CDC73: variants seen among roughly 807,000 people sequenced by gnomAD.
CDC73 encodes cell division cycle 73, also known as parafibromin.
A neutral mutation model predicts 83.7 loss-of-function variants in CDC73; 21 were observed. The ratio of observed to expected loss-of-function variants is 0.25; its 90% CI spans 0.18 to 0.36. The LOEUF is 0.36. CDC73 is among the 10% of genes least tolerant of loss of function. The probability of loss-of-function intolerance (pLI) is 1.00; values close to 1 mark genes in which losing one functional copy is unlikely to be tolerated. For synonymous variants in CDC73, 224 were observed against 212.9 expected (o/e 1.05, Z -0.45); for missense variants, 342 against 653.3 (o/e 0.52, Z 5.19).
intron 13 of CDC73, among the ~76,000 whole-genome samples, chr1:193,213,361 C>T (rs1293546318): frequency 1.0e-5 from 1 of 98,206 alleles, no homozygotes; most frequent in African/African-American, 5.2e-5. Flanking sequence ...ATTTTTTCCT[C>T]AGTAGATTTT....
chr1:193,190,451 C>G (rs1358583167), intron 10 of CDC73, among the ~76,000 whole-genome samples: 2 of 152,326 alleles, frequency 1.3e-5, no homozygotes, highest in South Asian at 4.1e-4. Context: ...TAATTTTCCT[C>G]TAAAGTCAGT....
At chr1:193,178,265 A>T (rs1051025997) in intron 10 of CDC73, among the ~76,000 whole-genome samples, 1 of 152,140 alleles carries the variant, frequency 6.6e-6, no homozygotes, top group African/African-American at 2.4e-5. Flanking sequence ...TCAGATTACT[A>T]TCGTTTTTCA....
chr1:193,226,023 T>A (rs1403696844), intron 13 of CDC73, among the ~76,000 whole-genome samples: 1 of 152,178 alleles, frequency 6.6e-6, no homozygotes, highest in African/African-American at 2.4e-5. Context: ...TCTTCTAGAA[T>A]TTTTCTAGTT....
rs978611337 is a variant in CDC73, at chr1:193,146,861, T to C, written c.730-1006T>C. ...TTACACATCTTTGAAAAGTGTACAT[T>C]GACTTCTGATAGTATCTCAAAACTC... On this transcript the variant is annotated intron_variant, in intron 7 of 16. Coordinates refer to ENST00000367435, the MANE Select transcript of CDC73 (RefSeq NM_024529.5). 3.9e-5 allele frequency among the ~76,000 whole-genome samples: 6 copies of C among 152,244 alleles called. No individual in the cohort carries two copies. The East Asian group carries it at 9.6e-4, about 24-fold the overall frequency.
At chr1:193,215,322 T>C (rs1677348930) in intron 13 of CDC73, among the ~76,000 whole-genome samples, 1 of 152,222 alleles carries the variant, frequency 6.6e-6, no homozygotes. Flanking sequence ...ATATACAGTA[T>C]ATCTAGTTTG....
At position 193,152,375 on chromosome 1, in the gene CDC73, C is replaced by T. The variant is rs200475944; in HGVS notation, c.908-5C>T. The T allele has an allele frequency of 2.7e-5, 43 of 1,595,936 alleles. No individual in the cohort carries two copies. In the East Asian group the frequency reaches 6.0e-4, roughly 22 times the overall value. ...TCTTAACAATAAGCCTCTTTTTTTT[C>T]GTAGAAACGGAAGGCTTCAAAATTG... is the stretch of plus-strand genomic sequence containing the variant. On this transcript the variant is annotated splice_region_variant and splice_polypyrimidine_tract_variant and intron_variant, in intron 9 of 16. Transcript: ENST00000367435.
At chr1:193,135,203 G>A (rs938861471) in intron 3 of CDC73, among the ~76,000 whole-genome samples, 188 bp from the exon 4 acceptor site, 1 of 152,118 alleles carries the variant, frequency 6.6e-6, no homozygotes, top group Non-Finnish European at 1.5e-5. Context: ...TGTCCTCTTA[G>A]AGACTTTCTA....
chr1:193,152,842 C>G (rs542968099), intron 10 of CDC73, among the ~76,000 whole-genome samples: 3 of 151,932 alleles, frequency 2.0e-5, no homozygotes, highest in African/African-American at 7.3e-5. Context: ...TGCAGTGGTG[C>G]GATCTCGGCT....
intron 15 of CDC73, among the ~76,000 whole-genome samples, chr1:193,237,938 TTAAA>T (rs766412957): frequency 8.4e-4 from 128 of 152,260 alleles, no homozygotes; most frequent in Non-Finnish European, 1.4e-3. Flanking sequence ...AAATGGGAAG[TTAAA>T]TAAAAAGGGA....
chr1:193,199,973 G>GTACTT, intron 10 of CDC73, among the ~76,000 whole-genome samples: 1 of 151,576 alleles, frequency 6.6e-6, no homozygotes, highest in South Asian at 2.1e-4. Flanking sequence ...GCCAAGCGTG[G>GTACTT]TGGTACACAC....
At chr1:193,145,962 A>G (rs1572157272) in intron 7 of CDC73, among the ~76,000 whole-genome samples, 1 of 152,348 alleles carries the variant, frequency 6.6e-6, no homozygotes, top group East Asian at 1.9e-4. Flanking sequence ...TACGTACATT[A>G]TAGGGCAGAC....
At chr1:193,205,336 T>G (rs1039593451) in intron 11 of CDC73, among the ~76,000 whole-genome samples, 3 of 152,038 alleles carry the variant, frequency 2.0e-5, no homozygotes, top group South Asian at 2.1e-4. Context: ...AGTGCAGATT[T>G]GGATATCCTC....
At chr1:193,158,488 CCT>C (rs1221169800) in intron 10 of CDC73, among the ~76,000 whole-genome samples, 1 of 136,352 alleles carries the variant, frequency 7.3e-6, no homozygotes, top group Non-Finnish European at 1.6e-5. Flanking sequence ...GCAGCGAGAC[CCT>C]GTCTCTAAAA....
intron 14 of CDC73, among the ~76,000 whole-genome samples, chr1:193,234,195 A>T (rs904959956): frequency 0.01 from 1,319 of 129,810 alleles, 9 homozygotes; most frequent in South Asian, 0.029. Context: ...ACACACACAC[A>T]CACACACACA....
chr1:193,199,931 T>A (rs1325056873), intron 10 of CDC73, among the ~76,000 whole-genome samples: 1 of 151,730 alleles, frequency 6.6e-6, no homozygotes, highest in African/African-American at 2.4e-5. Context: ...GCATATATGT[T>A]CTATATATGT....
intron 11 of CDC73, among the ~76,000 whole-genome samples, chr1:193,205,202 C>A (rs187236870): frequency 0.012 from 1,362 of 118,312 alleles, 86 homozygotes; most frequent in Non-Finnish European, 0.019. Flanking sequence ...CTGTCCCCCC[C>A]CCCCCCTTTT....
At chr1:193,241,331 G>A (rs1677854117) in intron 15 of CDC73, among the ~76,000 whole-genome samples, 1 of 152,180 alleles carries the variant, frequency 6.6e-6, no homozygotes, top group Non-Finnish European at 1.5e-5. Flanking sequence ...GGAGGGTGTG[G>A]TGAAGTTTTG....
Position 193,138,093 on chromosome 1 carries a change from G to A in CDC73, c.432G>A (p.Glu144=), listed in dbSNP as rs934976346. 6 of 1,612,580 alleles carry A rather than the reference G, an allele frequency of 3.7e-6. No homozygotes were observed. The African/African-American group carries it at 4.0e-5, about 11-fold the overall frequency. Reference sequence around the variant, plus strand: ...CCAGTGGTTATTTCCAGGATGAAGAGTGTGTGCGCCTTGATAAAGAGAGAT... The same window carrying A: ...CCAGTGGTTATTTCCAGGATGAAGAATGTGTGCGCCTTGATAAAGAGAGAT... ...EAKKPRIEDE[E]CVRLDKERLA... Residue 144 remains glutamate (E), a synonymous_variant, in exon 6 of 17, where the codon GAG becomes GAA. Transcript: ENST00000367435.
Position 193,147,878 on chromosome 1 carries a change from G to T in CDC73, c.741G>T (p.Lys247Asn). Residue 247 changes from lysine to asparagine, a missense_variant, in exon 8 of 17, where the codon AAG becomes AAT. Coordinates refer to ENST00000367435, the MANE Select transcript of CDC73 (RefSeq NM_024529.5). ...CATTTATATTTTAGAATTTTTCCAA[G>T]AACATTTTTGCAATTCTTCAATCTG... ...ILQSTGKNFSKNIFAILQSVK... is the reference protein window; with the variant it reads ...ILQSTGKNFSNNIFAILQSVK... 1 of 1,603,120 alleles carries T rather than the reference G, an allele frequency of 6.2e-7. No individual in the cohort carries two copies. The highest frequency in any genetic ancestry group is 1.1e-5 in the South Asian group (1 of 90,544).
Sources: allele counts gnomAD v4.1 joint callset (sites outside exome capture counted in the v4.1 genomes callset), GRCh38; gene constraint gnomAD v4.1.1; transcripts MANE v1.5; gene names NCBI Gene and HGNC (gene_info 2026-07-23, HGNC 2026-07-21).